PTPRG: variants seen among roughly 807,000 people sequenced by gnomAD.
PTPRG encodes receptor-type tyrosine-protein phosphatase gamma.
A neutral mutation model predicts 165.3 loss-of-function variants in PTPRG; 102 were observed. The ratio of observed to expected loss-of-function variants is 0.62; its 90% CI spans 0.53 to 0.73. The LOEUF (loss-of-function observed/expected upper bound fraction) is 0.73. PTPRG is among the 30% of genes least tolerant of loss of function. The pLI, the probability that PTPRG is intolerant of heterozygous loss-of-function variation, is 0.00. For missense variants in PTPRG, 1,866 were observed against 1,861.4 expected, an observed-to-expected ratio of 1.00 and a Z score of -0.05; for synonymous variants, 675 against 669.5, an observed-to-expected ratio of 1.01 and a Z score of -0.13.
At chr3:61,841,798 C>T (rs533476945) in intron 2 of PTPRG, among the ~76,000 whole-genome samples, 3 of 152,074 alleles carry the variant, frequency 2.0e-5, no homozygotes, top group East Asian at 1.9e-4. Flanking sequence ...GGCGACAGAG[C>T]GAGACTCCAT....
intron 1 of PTPRG, among the ~76,000 whole-genome samples, chr3:61,742,156 G>C (rs1451071122): frequency 6.6e-6 from 1 of 151,998 alleles, no homozygotes; most frequent in Admixed American, 6.6e-5. Context: ...TTTTTCCCCG[G>C]AAGTCAATAT....
At chr3:61,839,633 G>A (rs935932037) in intron 2 of PTPRG, among the ~76,000 whole-genome samples, 2 of 152,132 alleles carry the variant, frequency 1.3e-5, no homozygotes, top group Admixed American at 1.3e-4. Flanking sequence ...TGAAAAAAAT[G>A]CCTGTAAAAT....
chr3:61,626,510 T>C (rs1701613606), intron 1 of PTPRG, among the ~76,000 whole-genome samples: 1 of 152,152 alleles, frequency 6.6e-6, no homozygotes, highest in Admixed American at 6.5e-5. Context: ...GTATTACCGT[T>C]CAAAACCCAC....
chr3:62,085,373 G>C (rs570295021), intron 5 of PTPRG, among the ~76,000 whole-genome samples: 3 of 152,134 alleles, frequency 2.0e-5, no homozygotes, highest in African/African-American at 7.2e-5. Flanking sequence ...TCTTTCCTGG[G>C]GCTCCATTGG....
At chr3:61,785,895 TA>T (rs1559610955) in intron 2 of PTPRG, among the ~76,000 whole-genome samples, 1 of 152,102 alleles carries the variant, frequency 6.6e-6, no homozygotes, top group Non-Finnish European at 1.5e-5. Flanking sequence ...CTTAGGGAAG[TA>T]GGGCCACTTC....
chr3:61,925,997 T>C, intron 2 of PTPRG: 1 of 459,220 alleles, frequency 2.2e-6, no homozygotes, highest in South Asian at 1.5e-5. Context: ...TGCCAGCTTG[T>C]TAGAATGGCA....
In PTPRG at chr3:62,295,662, T is replaced by A. The variant is rs1703037384; in HGVS notation, c.*2355T>A. 1 of 152,122 alleles carries A rather than the reference T, an allele frequency of 6.6e-6. No homozygotes were observed. Among genetic ancestry groups the A allele is most frequent in the African/African-American group, 2.4e-5 (1 of 41,446 alleles). The allele number at this position is 152,122 out of a possible 1,614,324, so 9.4% of individuals were successfully genotyped here. A position where few individuals can be genotyped will look rare whatever the true frequency, so the allele number is the denominator to read the frequency against. ...GTTTAGAAGTTCCCTGTGAGCAATC[T>A]GTGTGTCTTCAGCGAGCTTGAACCA... On this transcript the variant is annotated 3_prime_UTR_variant, in exon 30 of 30. Transcript: ENST00000474889.
intron 1 of PTPRG, among the ~76,000 whole-genome samples, chr3:61,608,120 C>T (rs906952999): frequency 2.6e-5 from 4 of 152,092 alleles, no homozygotes; most frequent in African/African-American, 9.7e-5. Flanking sequence ...CCGCAACTTG[C>T]CAGGGCAGAA....
intron 2 of PTPRG, among the ~76,000 whole-genome samples, chr3:61,798,119 A>C (rs888391682): frequency 6.6e-6 from 1 of 152,210 alleles, no homozygotes; most frequent in Admixed American, 6.5e-5. Flanking sequence ...ACAATTGCAT[A>C]AATTATCTCT....
chr3:61,663,797 G>A (rs764476530), intron 1 of PTPRG, among the ~76,000 whole-genome samples: 2 of 152,066 alleles, frequency 1.3e-5, no homozygotes, highest in African/African-American at 2.4e-5. Flanking sequence ...GATCCCTCAC[G>A]TGCACAGCCC....
chr3:62,231,377 T>C, intron 14 of PTPRG, 66 bp downstream of exon 14: 1 of 1,368,870 alleles, frequency 7.3e-7, no homozygotes, highest in Non-Finnish European at 9.8e-7. Context: ...CAAATTTTTG[T>C]TTTGTTGCCA....
At chr3:61,950,870 A>T (rs986980499) in intron 2 of PTPRG, among the ~76,000 whole-genome samples, 18 of 152,190 alleles carry the variant, frequency 1.2e-4, no homozygotes, top group African/African-American at 4.1e-4. Flanking sequence ...ATATTATCCT[A>T]TTTGAAGAAC....
intron 1 of PTPRG, among the ~76,000 whole-genome samples, chr3:61,723,259 C>T (rs1322255716): frequency 2.0e-5 from 3 of 151,836 alleles, no homozygotes; most frequent in African/African-American, 7.3e-5. Flanking sequence ...GTCATGGTGA[C>T]TTTTCTATTT....
intron 8 of PTPRG, among the ~76,000 whole-genome samples, chr3:62,173,765 C>T (rs1228705384): frequency 1.3e-5 from 2 of 152,268 alleles, no homozygotes; most frequent in South Asian, 2.1e-4. Context: ...TGGTTATGAT[C>T]GTGAACTTGA....
intron 1 of PTPRG, among the ~76,000 whole-genome samples, chr3:61,628,827 C>G (rs1477479597): frequency 1.3e-5 from 2 of 152,078 alleles, no homozygotes; most frequent in Non-Finnish European, 2.9e-5. Flanking sequence ...TAAGAATCAC[C>G]CCTATTTTGC....
At chr3:61,666,238 C>A in intron 1 of PTPRG, among the ~76,000 whole-genome samples, 1 of 152,208 alleles carries the variant, frequency 6.6e-6, no homozygotes, top group South Asian at 2.1e-4. Context: ...CTGAAGGCTC[C>A]TTACTGGTGT....
chr3:61,747,359 T>G (rs1440873267), intron 1 of PTPRG, among the ~76,000 whole-genome samples: 1 of 152,214 alleles, frequency 6.6e-6, no homozygotes, highest in Non-Finnish European at 1.5e-5. Context: ...TAATGGGGAA[T>G]AATTATTTGT....
chr3:61,648,198 A>G (rs1330263346), intron 1 of PTPRG, among the ~76,000 whole-genome samples: 1 of 152,218 alleles, frequency 6.6e-6, no homozygotes, highest in East Asian at 1.9e-4. Flanking sequence ...ACACTCTGAG[A>G]TTAAAATAAC....
intron 2 of PTPRG, among the ~76,000 whole-genome samples, chr3:61,846,560 G>A (rs1231140250): frequency 6.6e-6 from 1 of 152,306 alleles, no homozygotes; most frequent in East Asian, 1.9e-4. Flanking sequence ...TGCCTTCTAT[G>A]CATAGAGCTT....
Sources: gnomAD v4.1 joint callset for allele counts (sites outside exome capture counted in the v4.1 genomes callset) on GRCh38, gnomAD v4.1.1 for gene constraint, MANE v1.5 for transcripts, NCBI Gene and HGNC (gene_info 2026-07-23, HGNC 2026-07-21) for gene names.